NLRP1: variants seen among roughly 807,000 people sequenced by gnomAD.
The protein encoded by NLRP1 is NACHT, LRR and PYD domains-containing protein 1.
NLRP1 carries 94 observed loss-of-function variants against 136.7 expected under a neutral mutation model. The observed-to-expected ratio is 0.69, with a 90% confidence interval of 0.58 to 0.82. The LOEUF (loss-of-function observed/expected upper bound fraction) is 0.82. Ranked by LOEUF, NLRP1 falls within the 40% of genes least tolerant of loss-of-function variation. The pLI is 0.00. For missense variants in NLRP1, 1,575 were observed against 1,802.7 expected (o/e 0.87, Z 2.29); for synonymous variants, 690 against 725.1 (o/e 0.95, Z 0.78).
At chr17:5,502,127 A>T (rs765911914) in intron 15 of NLRP1, 1 of 420,476 alleles carries the variant, frequency 2.4e-6, no homozygotes, top group Non-Finnish European at 4.5e-6. Flanking sequence ...AGGTAGTGGT[A>T]GGTACTCAGG....
chr17:5,555,568 A>G (rs947187890), intron 4 of NLRP1, among the ~76,000 whole-genome samples: 2 of 151,920 alleles, frequency 1.3e-5, no homozygotes, highest in Non-Finnish European at 2.9e-5. Flanking sequence ...GCCAGCCACC[A>G]TCTGGTCTCT....
intron 5 of NLRP1, among the ~76,000 whole-genome samples, chr17:5,542,918 G>A (rs1308806924): frequency 2.0e-5 from 3 of 151,664 alleles, no homozygotes; most frequent in Admixed American, 6.6e-5. Context: ...CAACCTCCGC[G>A]CCCTGGGTTC....
In NLRP1 at chr17:5,549,914, T is replaced by G. The variant is rs77239651; in HGVS notation, c.2528+3472A>C. Among the ~76,000 whole-genome samples the G allele has an allele frequency of 2.5e-3, 386 of 152,326 alleles. 6 individuals carry two copies. Among genetic ancestry groups the G allele is most frequent in the African/African-American group, 8.8e-3 (366 of 41,564 alleles). ...GAGTGTTTCCAATGTGAAAAGGTGTTGAGGGTTTGTCAAATGCTTTTTTTG... is the reference window on the plus strand; with the variant it reads ...GAGTGTTTCCAATGTGAAAAGGTGTGGAGGGTTTGTCAAATGCTTTTTTTG... On this transcript the variant is annotated intron_variant, in intron 5 of 16. Coordinates refer to ENST00000572272, the MANE Select transcript of NLRP1 (RefSeq NM_033004.4).
intron 12 of NLRP1, 103 bp downstream of exon 12, chr17:5,530,378 C>G (rs1339017217): frequency 1.9e-6 from 2 of 1,056,442 alleles, no homozygotes; most frequent in African/African-American, 3.1e-5. Flanking sequence ...CTCGGCCCCT[C>G]TAAGGAAGCC....
At chr17:5,530,114 T>G (rs1449586679) in intron 12 of NLRP1, 3 of 460,632 alleles carry the variant, frequency 6.5e-6, no homozygotes, top group Admixed American at 2.4e-5. Flanking sequence ...CCCAACATTC[T>G]TCGTTAGTTC....
intron 6 of NLRP1, among the ~76,000 whole-genome samples, chr17:5,540,949 G>GCC (rs1475407714): frequency 6.6e-6 from 1 of 152,212 alleles, no homozygotes; most frequent in Non-Finnish European, 1.5e-5. Context: ...CCTGAAGGCA[G>GCC]CCCCCTGAGC....
In NLRP1 at chr17:5,558,496, C is replaced by G. The variant is rs201740123; in HGVS notation, c.2200G>C (p.Val734Leu). 2.5e-6 allele frequency: 4 copies of G among 1,614,098 alleles called. No homozygotes were observed. Among genetic ancestry groups the G allele is most frequent in the Non-Finnish European group, 3.4e-6 (4 of 1,180,014 alleles). ...CCCATTTCTTCGAAATGGGCCATCA[C>G]TTGTGTCAGGAACGTTTTGTTCCGA... is the stretch of plus-strand genomic sequence containing the variant. ...ETRNKTFLTQ[V>L]MAHFEEMGMC... The change falls in exon 4 of 17, where the codon GTG (valine) becomes CTG (leucine). Residue 734 changes from valine to leucine, a missense_variant. Transcript: ENST00000572272.
chr17:5,517,258 TAAC>T lies in NLRP1; in HGVS notation c.4057+485_4057+487del, dbSNP rs1371363028. Among the ~76,000 whole-genome samples, 3 of 148,770 alleles carry T rather than the reference TAAC, an allele frequency of 2.0e-5. No homozygotes were observed. In the East Asian group the frequency reaches 5.8e-4, roughly 29 times the overall value. On this transcript the variant is annotated intron_variant, in intron 15 of 16. Transcript: ENST00000572272. ...TTGAGTCAAGTTTAAATTCTAGTCA[TAAC>T]AACTGTTATGTAACTTGAGAAAGCC...
intron 3 of NLRP1, among the ~76,000 whole-genome samples, chr17:5,571,824 C>T (rs1246258537): frequency 6.6e-6 from 1 of 152,136 alleles, no homozygotes; most frequent in Non-Finnish European, 1.5e-5. Flanking sequence ...AATCTGGAGG[C>T]ATCACATTAC....
At chr17:5,578,993 C>G (rs1228495348) in intron 3 of NLRP1, among the ~76,000 whole-genome samples, 5 of 152,204 alleles carry the variant, frequency 3.3e-5, no homozygotes, top group African/African-American at 9.6e-5. Context: ...CCATCATTCT[C>G]AGCAAACTAT....
At chr17:5,502,020 T>C (rs1365983896) in intron 15 of NLRP1, 2 of 684,058 alleles carry the variant, frequency 2.9e-6, no homozygotes, top group Non-Finnish European at 5.3e-6. Flanking sequence ...GGCCCCGGGG[T>C]GAACCAAGGC....
At chr17:5,531,707 G>A (rs533822527) in intron 11 of NLRP1, among the ~76,000 whole-genome samples, 1 of 152,250 alleles carries the variant, frequency 6.6e-6, no homozygotes, top group East Asian at 1.9e-4. Flanking sequence ...TGTTTGGTGA[G>A]TGGTAACATG....
At chr17:5,577,192 A>T (rs1905113262) in intron 3 of NLRP1, among the ~76,000 whole-genome samples, 1 of 152,224 alleles carries the variant, frequency 6.6e-6, no homozygotes. Context: ...ATTCCCTTTG[A>T]AAACTGGCAC....
At chr17:5,556,723 A>C (rs907059286) in intron 4 of NLRP1, among the ~76,000 whole-genome samples, 9 of 151,648 alleles carry the variant, frequency 5.9e-5, no homozygotes, top group Non-Finnish European at 1.0e-4. Context: ...CTGACCTGTC[A>C]AGTGATTCTC....
Position 5,541,068 on chromosome 17 carries a change from G to A in NLRP1, c.2699+789C>T, listed in dbSNP as rs1597430971. Among the ~76,000 whole-genome samples the A allele has an allele frequency of 1.3e-5, 2 of 152,240 alleles. No homozygotes were observed. The highest frequency in any genetic ancestry group is 2.9e-5 in the Non-Finnish European group (2 of 68,020). On this transcript the variant is annotated intron_variant, in intron 6 of 16. Transcript: ENST00000572272. The surrounding 1 kb of genome is among the most constrained non-coding windows in gnomAD (Gnocchi z 4.2). ...TTTCTTTTCTTTTCTTTTTTAAGAAGGAGTCTCGCTCTGTTGCCCAGGCTG... is the reference window on the plus strand; with the variant it reads ...TTTCTTTTCTTTTCTTTTTTAAGAAAGAGTCTCGCTCTGTTGCCCAGGCTG...
chr17:5,529,775 A>G (rs1910012594), intron 12 of NLRP1: 1 of 202,342 alleles, frequency 4.9e-6, no homozygotes, highest in Admixed American at 5.9e-5. Flanking sequence ...TTTTTTGGTC[A>G]TATTATACAC....
chr17:5,574,113 T>A (rs1028121417), intron 3 of NLRP1, among the ~76,000 whole-genome samples: 2 of 152,270 alleles, frequency 1.3e-5, no homozygotes, highest in Non-Finnish European at 1.5e-5. Flanking sequence ...AGTCCTTAAA[T>A]GACCTGATGG....
intron 11 of NLRP1, among the ~76,000 whole-genome samples, chr17:5,532,330 A>T (rs1910407020): frequency 6.6e-6 from 1 of 152,202 alleles, no homozygotes; most frequent in South Asian, 2.1e-4. Flanking sequence ...TTGAATATGG[A>T]TTGGGGAGTA....
chr17:5,530,555 C>T lies in NLRP1; in HGVS notation c.3446G>A (p.Gly1149Glu). 6.2e-7 allele frequency: 1 copy of T among 1,614,224 alleles called. No individual in the cohort carries two copies. Among genetic ancestry groups the T allele is most frequent in the Non-Finnish European group, 8.5e-7 (1 of 1,180,046 alleles). The change falls in exon 12 of 17, where the codon GGG becomes GAG. Residue 1149 changes from glycine to glutamate, a missense_variant. Coordinates refer to ENST00000572272, the MANE Select transcript of NLRP1 (RefSeq NM_033004.4). ...INPQHSWMVAGPLLDIKAEPG... is the reference protein window; with the variant it reads ...INPQHSWMVAEPLLDIKAEPG... The stretch of plus-strand genomic sequence containing the variant: ...CTCAGCCTTGATGTCCAGCAGAGGC[C>T]CTGCCACCATCCAGCTGTGCTGTGG...
Sources: allele counts gnomAD v4.1 joint callset (sites outside exome capture counted in the v4.1 genomes callset), GRCh38; gene constraint gnomAD v4.1.1; non-coding constraint Gnocchi (gnomAD v3.1); transcripts MANE v1.5; gene names NCBI Gene and HGNC (gene_info 2026-07-23, HGNC 2026-07-21).